TAF1C: variants seen among roughly 807,000 people sequenced by gnomAD.
The protein encoded by TAF1C is TATA-box binding protein associated factor, RNA polymerase I subunit C.
A neutral mutation model predicts 70.5 loss-of-function variants in TAF1C; 79 were observed. The ratio of observed to expected loss-of-function variants is 1.12; its 90% CI spans 0.93 to 1.35. The LOEUF (loss-of-function observed/expected upper bound fraction) is 1.35, where lower values mean the gene tolerates loss of function less well. Ranked by LOEUF, TAF1C falls within the 40% of genes most tolerant of loss-of-function variation. The pLI is 0.00. For missense variants in TAF1C, 1,412 were observed against 1,127.8 expected, an observed-to-expected ratio of 1.25 and a Z score of -3.61; for synonymous variants, 614 against 491.1, an observed-to-expected ratio of 1.25 and a Z score of -3.31.
intron 5 of TAF1C, 37 bp from the exon 6 acceptor site, chr16:84,183,186 G>C: frequency 6.2e-7 from 1 of 1,613,856 alleles, no homozygotes; most frequent in Non-Finnish European, 8.5e-7. Flanking sequence ...ACACACCCTC[G>C]AGTTCACCCC....
Position 84,183,765 on chromosome 16 carries a change from T to C in TAF1C, c.152A>G (p.His51Arg), listed in dbSNP as rs2089337238. The C allele has an allele frequency of 6.2e-7, 1 of 1,611,952 alleles. No individual in the cohort carries two copies. Among genetic ancestry groups the C allele is most frequent in the Non-Finnish European group, 8.5e-7 (1 of 1,178,490 alleles). The change falls in exon 3 of 15, where the codon CAT becomes CGT. Residue 51 changes from histidine (H) to arginine (R), a missense_variant. By Grantham distance (29) the His-to-Arg change is conservative. Transcript: ENST00000566732. ...CTCCCACAGCAGGTCCTTGGTCACA[T>C]GCAGTGCCCCATTCTGAAGGGAGGA... ...QPQNSENGALHVTKDLLWEPA... is the reference protein window; with the variant it reads ...QPQNSENGALRVTKDLLWEPA...
Position 84,178,938 on chromosome 16 carries a change from TC to T in TAF1C, c.*2del, listed in dbSNP as rs748364518. 6.3e-7 allele frequency: 1 copy of T among 1,589,606 alleles called. No homozygotes were observed. Among genetic ancestry groups the T allele is most frequent in the Admixed American group, 1.8e-5 (1 of 57,126 alleles). On this transcript the variant is annotated 3_prime_UTR_variant, in exon 15 of 15. Transcript: ENST00000566732. ...GGGCTTGAGGGCAGCCCACCTTGTG[TC>T]CTCAGAAGCCCATTCGAGGCTTCTT...
chr16:84,185,983 A>G (rs1490028739), intron 1 of TAF1C, among the ~76,000 whole-genome samples: 1 of 152,190 alleles, frequency 6.6e-6, no homozygotes, highest in East Asian at 1.9e-4. Context: ...CCTCCTTTTT[A>G]ATTAACAAAA....
rs2088951416 is a variant in TAF1C at position 84,179,313 on chromosome 16, C to T, written c.2160G>A (p.Gln720=). The T allele has an allele frequency of 8.8e-6, 14 of 1,599,476 alleles. No individual in the cohort carries two copies. The highest frequency in any genetic ancestry group is 1.2e-5 in the Non-Finnish European group (14 of 1,178,506). ...GGGTCCGGCGCTTGGGCCGCCTGGT[C>T]TGTCTCCCGGGCTCCGAGGTCCTGC... ...QQGRTSEPGR[Q]TRRPKRRTQL... The change falls in exon 15 of 15, where the codon CAG becomes CAA. Residue 720 remains glutamine (Q), a synonymous_variant. Coordinates refer to ENST00000566732, the MANE Select transcript of TAF1C (RefSeq NM_001243156.2).
Position 84,177,958 on chromosome 16 carries a change from G to C in TAF1C, c.*983C>G, listed in dbSNP as rs1437931089. 2 of 868,366 alleles carry C rather than the reference G, an allele frequency of 2.3e-6. No homozygotes were observed. Among genetic ancestry groups the C allele is most frequent in the Non-Finnish European group, 3.8e-6 (2 of 529,898 alleles). The allele number at this position is 868,366 out of a possible 1,614,324, so 53.8% of individuals were successfully genotyped here. ...TGATTGGGCTAGCTCCTGTTTGTGTGAGTCACATGCAATTCCTTTCACCAG... is the reference window on the plus strand; with the variant it reads ...TGATTGGGCTAGCTCCTGTTTGTGTCAGTCACATGCAATTCCTTTCACCAG... On this transcript the variant is annotated 3_prime_UTR_variant, in exon 15 of 15. Coordinates refer to ENST00000566732, the MANE Select transcript of TAF1C (RefSeq NM_001243156.2).
At position 84,179,854 on chromosome 16, in the gene TAF1C, G is replaced by T; in HGVS notation, c.1622-3C>A. 6.2e-7 allele frequency: 1 copy of T among 1,607,652 alleles called. No homozygotes were observed. The highest frequency in any genetic ancestry group is 8.5e-7 in the Non-Finnish European group (1 of 1,176,606). On this transcript the variant is annotated splice_region_variant and splice_polypyrimidine_tract_variant and intron_variant, in intron 14 of 14. Coordinates refer to ENST00000566732, the MANE Select transcript of TAF1C (RefSeq NM_001243156.2). Reference sequence around the variant, plus strand: ...GGGCGGGACGACGGCAGCCAGACCTGGTGACGGGAATGACAATGACCTCCA... The same window carrying T: ...GGGCGGGACGACGGCAGCCAGACCTTGTGACGGGAATGACAATGACCTCCA...
At position 84,183,789 on chromosome 16, in the gene TAF1C, G is replaced by T. The variant is rs765567264; in HGVS notation, c.139-11C>A. 4.3e-5 allele frequency: 69 copies of T among 1,604,854 alleles called. No homozygotes were observed. The highest frequency in any genetic ancestry group is 5.6e-5 in the Non-Finnish European group (66 of 1,173,448). ...ATGCAGTGCCCCATTCTGAAGGGAG[G>T]ACAATCGCAAGGACAGTATCATGAT... On this transcript the variant is annotated splice_polypyrimidine_tract_variant and intron_variant, in intron 2 of 14. Coordinates refer to ENST00000566732, the MANE Select transcript of TAF1C (RefSeq NM_001243156.2).
chr16:84,179,026 C>G lies in TAF1C; in HGVS notation c.2447G>C (p.Ser816Thr), dbSNP rs761325818. Residue 816 changes from serine to threonine, a missense_variant, in exon 15 of 15, where the codon AGC becomes ACC. Coordinates refer to ENST00000566732, the MANE Select transcript of TAF1C (RefSeq NM_001243156.2). ...CTGCTGGGAGCGAGTGGCCCGGACG[C>G]TGGAGGCCTGGGAGTGGGGAGGTGT... Reference protein sequence around the residue: ...ATTPPHSQASSVRATRSQQHT... With the variant: ...ATTPPHSQASTVRATRSQQHT... The G allele has an allele frequency of 6.9e-5, 111 of 1,610,628 alleles. No homozygotes were observed. The highest frequency in any genetic ancestry group is 8.7e-5 in the Non-Finnish European group (103 of 1,179,958).
intron 12 of TAF1C, chr16:84,180,627 T>G (rs961135619): frequency 1.5e-5 from 9 of 609,410 alleles, no homozygotes; most frequent in Non-Finnish European, 2.4e-5. Context: ...CTGCCTGGCC[T>G]TCTCGCAGCC....
rs1485920276 is a variant in TAF1C at position 84,181,398 on chromosome 16, G to A, written c.1094C>T (p.Ala365Val). ...VFRDSSSWRWADFTAHPRVLT... is the reference protein window; with the variant it reads ...VFRDSSSWRWVDFTAHPRVLT... ...CACCCGAGGGTGCGCAGTGAAGTCT[G>A]CCCAACGCCACGAAGAGGAGTCCCG... The change falls in exon 11 of 15, where the codon GCA becomes GTA. Residue 365 changes from alanine to valine, a missense_variant. Physicochemically the swap from Ala to Val is moderately conservative, Grantham distance 64. Coordinates refer to ENST00000566732, the MANE Select transcript of TAF1C (RefSeq NM_001243156.2). The A allele has an allele frequency of 6.2e-7, 1 of 1,613,862 alleles. No individual in the cohort carries two copies. The highest frequency in any genetic ancestry group is 8.5e-7 in the Non-Finnish European group (1 of 1,179,996).
intron 1 of TAF1C, chr16:84,185,575 G>A (rs746190163): frequency 1.3e-5 from 2 of 152,252 alleles, no homozygotes; most frequent in African/African-American, 4.8e-5. Flanking sequence ...GTGCCTCCCA[G>A]AAAATGCACT....
In TAF1C at chr16:84,180,362, AG is replaced by A. The variant is rs1259701780; in HGVS notation, c.1309-19del. The stretch of plus-strand genomic sequence containing the variant: ...AGAGAGAACTGGGGCCCGAGAAGGA[AG>A]GGGGATGTGGCCGAACTTGGGAGCT... On this transcript the variant is annotated intron_variant, in intron 12 of 14. Transcript: ENST00000566732. 2 of 1,531,916 alleles carry A rather than the reference AG, an allele frequency of 1.3e-6. No individual in the cohort carries two copies. Among genetic ancestry groups the A allele is most frequent in the Admixed American group, 2.1e-5 (1 of 47,316 alleles). The allele number at this position is 1,531,916 out of a possible 1,614,324, so 94.9% of individuals were successfully genotyped here.
chr16:84,186,763 T>C (rs1418038337), intron 1 of TAF1C, 138 bp downstream of exon 1: 1 of 152,104 alleles, frequency 6.6e-6, no homozygotes, highest in African/African-American at 2.4e-5. Flanking sequence ...GGATCCGCAA[T>C]AACGACAGGC....
chr16:84,182,999 A>G lies in TAF1C; in HGVS notation c.482+77T>C, dbSNP rs2089288593. 2 of 1,450,458 alleles carry G rather than the reference A, an allele frequency of 1.4e-6. No homozygotes were observed. Among genetic ancestry groups the G allele is most frequent in the Admixed American group, 3.4e-5 (2 of 59,644 alleles). The allele number at this position is 1,450,458 out of a possible 1,614,324, so 89.8% of individuals were successfully genotyped here. A position where few individuals can be genotyped will look rare whatever the true frequency, so the allele number is the denominator to read the frequency against. On this transcript the variant is annotated intron_variant, in intron 6 of 14. Coordinates refer to ENST00000566732, the MANE Select transcript of TAF1C (RefSeq NM_001243156.2). This position sits in a 1 kb window ranked among gnomAD's most constrained non-coding sequence, Gnocchi z 5.0. Reference sequence around the variant, plus strand: ...GGAAGTGGGTATGACGGAAAGCTGTACGTGCGTCCTAGCACCTCCTACATC... The same window carrying G: ...GGAAGTGGGTATGACGGAAAGCTGTGCGTGCGTCCTAGCACCTCCTACATC...
chr16:84,179,615 C>T lies in TAF1C; in HGVS notation c.1858G>A (p.Val620Met). The T allele has an allele frequency of 6.2e-7, 1 of 1,612,704 alleles. No individual in the cohort carries two copies. The highest frequency in any genetic ancestry group is 8.5e-7 in the Non-Finnish European group (1 of 1,179,878). The change falls in exon 15 of 15, where the codon GTG becomes ATG. Residue 620 changes from valine (V) to methionine (M), a missense_variant. Coordinates refer to ENST00000566732, the MANE Select transcript of TAF1C (RefSeq NM_001243156.2). ...CSQWLKALLK[V>M]PLAPPVWTAP... ...GTCCACACAGGAGGAGCCAGGGGCACTTTTAGCAGGGCCTTCAGCCACTGG... is the reference window on the plus strand; with the variant it reads ...GTCCACACAGGAGGAGCCAGGGGCATTTTTAGCAGGGCCTTCAGCCACTGG...
chr16:84,184,736 A>G, intron 2 of TAF1C, 115 bp downstream of exon 2: 1 of 1,340,122 alleles, frequency 7.5e-7, no homozygotes, highest in African/African-American at 1.5e-5. Flanking sequence ...GTGTCTCAGC[A>G]GACTCGTGTG....
Position 84,183,232 on chromosome 16 carries a change from C to G in TAF1C, c.408+12G>C, listed in dbSNP as rs200205091. 5.6e-6 allele frequency: 9 copies of G among 1,614,006 alleles called. No homozygotes were observed. The East Asian group carries it at 8.9e-5, about 16-fold the overall frequency. ...CAGGGAGTCCCCACCCCTGGAGTCACGGGCCACTCACCCCCGCTCCCTCCA... is the reference window on the plus strand; with the variant it reads ...CAGGGAGTCCCCACCCCTGGAGTCAGGGGCCACTCACCCCCGCTCCCTCCA... On this transcript the variant is annotated intron_variant, in intron 5 of 14. Transcript: ENST00000566732.
In TAF1C at chr16:84,185,015, C is replaced by T. The variant is rs1341337931; in HGVS notation, c.-27G>A. On this transcript the variant is annotated 5_prime_UTR_variant, in exon 2 of 15. It adds an upstream start codon to the 5' untranslated region. Coordinates refer to ENST00000566732, the MANE Select transcript of TAF1C (RefSeq NM_001243156.2). ...CTGGAAACAAGGACCAAGCACCACACTGGCCACCTCGAGAGACTGGAAGCT... is the reference window on the plus strand; with the variant it reads ...CTGGAAACAAGGACCAAGCACCACATTGGCCACCTCGAGAGACTGGAAGCT... 1 of 1,607,882 alleles carries T rather than the reference C, an allele frequency of 6.2e-7. No individual in the cohort carries two copies. The highest frequency in any genetic ancestry group is 1.7e-5 in the Admixed American group (1 of 59,392).
intron 1 of TAF1C, among the ~76,000 whole-genome samples, chr16:84,186,120 A>G (rs1384128992): frequency 1.3e-5 from 2 of 152,266 alleles, no homozygotes; most frequent in African/African-American, 2.4e-5. Context: ...ACGAAGGCTC[A>G]GCAAGAACTT....
Sources: gnomAD v4.1 joint callset for allele counts (sites outside exome capture counted in the v4.1 genomes callset) on GRCh38, gnomAD v4.1.1 for gene constraint, Gnocchi (gnomAD v3.1) non-coding constraint, MANE v1.5 for transcripts, NCBI Gene and HGNC (gene_info 2026-07-23, HGNC 2026-07-21) for gene names.